CD9: variants seen among roughly 807,000 people sequenced by gnomAD.
The protein encoded by CD9 is CD9 molecule, also known as CD9 antigen.
CD9 carries 10 observed loss-of-function variants against 31.4 expected under a neutral mutation model. The observed-to-expected ratio is 0.32, with a 90% CI of 0.20 to 0.54. The LOEUF (loss-of-function observed/expected upper bound fraction) is 0.54. CD9 is among the 20% of genes least tolerant of loss of function. The pLI, the probability that CD9 is intolerant of heterozygous loss-of-function variation, is 0.94. For synonymous variants in CD9, 113 were observed against 114.1 expected, an observed-to-expected ratio of 0.99 and a Z score of 0.06; for missense variants, 259 against 300.1, an observed-to-expected ratio of 0.86 and a Z score of 1.01.
intron 1 of CD9, among the ~76,000 whole-genome samples, chr12:6,223,284 G>T (rs1296421979): frequency 2.7e-5 from 4 of 150,358 alleles, no homozygotes; most frequent in Non-Finnish European, 5.9e-5. Flanking sequence ...TTTTTTGAGA[G>T]GGAGTCTCGC....
intron 1 of CD9, among the ~76,000 whole-genome samples, chr12:6,214,330 T>C (rs1485209812): frequency 3.4e-5 from 5 of 147,494 alleles, no homozygotes; most frequent in Non-Finnish European, 6.0e-5. Flanking sequence ...AACCTGCAAC[T>C]TGACCATTAG....
In CD9 at chr12:6,210,330, C is replaced by T. The variant is rs535568264; in HGVS notation, c.66+9765C>T. Among the ~76,000 whole-genome samples the T allele has an allele frequency of 1.1e-3, 164 of 152,348 alleles. 1 individual carries two copies. The highest frequency in any genetic ancestry group is 3.1e-3 in the African/African-American group (129 of 41,576). On this transcript the variant is annotated intron_variant, in intron 1 of 7. Coordinates refer to ENST00000009180, the MANE Select transcript of CD9 (RefSeq NM_001769.4). ...GCAGCCAAGGGGAAAGGAGGATGTG[C>T]GAGTTGCCCTGGAGAGTCCCTTCCC...
In CD9 at chr12:6,235,487, T is replaced by C; in HGVS notation, c.459T>C (p.Cys153=). 4 of 1,614,064 alleles carry C rather than the reference T, an allele frequency of 2.5e-6. No individual in the cohort carries two copies. Among genetic ancestry groups the C allele is most frequent in the Non-Finnish European group, 3.4e-6 (4 of 1,179,892 alleles). The change falls in exon 6 of 8, where the codon TGT becomes TGC. Residue 153 remains cysteine (C), a synonymous_variant. Transcript: ENST00000009180. The part of the protein sequence containing the change: ...LKAIHYALNC[C]GLAGGVEQFI... ...CCTTCTCGCTGTAGTTGAACTGCTG[T>C]GGTTTGGCTGGGGGCGTGGAACAGT... is the stretch of plus-strand genomic sequence containing the variant.
At chr12:6,217,370 GA>G (rs1299635250) in intron 1 of CD9, among the ~76,000 whole-genome samples, 138 of 147,770 alleles carry the variant, frequency 9.3e-4, no homozygotes, top group African/African-American at 2.7e-3. Flanking sequence ...AAAAAAATAA[GA>G]AAAAAAAAAA....
Position 6,201,555 on chromosome 12 carries a change from C to T in CD9, c.66+990C>T, listed in dbSNP as rs114580942. Among the ~76,000 whole-genome samples, 1,111 of 152,354 alleles carry T rather than the reference C, an allele frequency of 7.3e-3. 11 individuals are homozygous for T. Among genetic ancestry groups the T allele is most frequent in the African/African-American group, 0.024 (1,018 of 41,582 alleles). ...ACACCTGCTGCAGGCCACTCAGCCTCTACAAATGGGAAGGCTGAGAGGCGA... is the reference window on the plus strand; with the variant it reads ...ACACCTGCTGCAGGCCACTCAGCCTTTACAAATGGGAAGGCTGAGAGGCGA... On this transcript the variant is annotated intron_variant, in intron 1 of 7. Transcript: ENST00000009180.
chr12:6,216,309 G>T (rs1422221543), intron 1 of CD9, among the ~76,000 whole-genome samples: 1 of 152,250 alleles, frequency 6.6e-6, no homozygotes, highest in Non-Finnish European at 1.5e-5. Flanking sequence ...AACTGCTGGT[G>T]TGGGAAACTT....
intron 1 of CD9, chr12:6,205,875 C>T (rs1946125101): frequency 6.6e-6 from 1 of 152,252 alleles, no homozygotes; most frequent in African/African-American, 2.4e-5. Context: ...ATGTTCTAGA[C>T]AGACCTGTGT....
chr12:6,215,066 G>C (rs1946231160), intron 1 of CD9, among the ~76,000 whole-genome samples: 2 of 152,084 alleles, frequency 1.3e-5, no homozygotes, highest in African/African-American at 2.4e-5. Flanking sequence ...GGTGACCCCA[G>C]GTTCCCTCCC....
intron 1 of CD9, among the ~76,000 whole-genome samples, chr12:6,221,353 C>T (rs1297841621): frequency 6.6e-6 from 1 of 152,174 alleles, no homozygotes; most frequent in South Asian, 2.1e-4. Context: ...CCCGCATCCC[C>T]GCCCGACCAG....
rs1316917599 is a variant in CD9 at position 6,225,203 on chromosome 12, A to G, written c.67-223A>G. 17 of 555,510 alleles carry G rather than the reference A, an allele frequency of 3.1e-5. No individual in the cohort carries two copies. The South Asian group carries it at 3.3e-4, about 11-fold the overall frequency. 34.4% of individuals were successfully genotyped at this position (555,510 alleles called of 1,614,324 possible). A position where few individuals can be genotyped will look rare whatever the true frequency, so the allele number is the denominator to read the frequency against. ...TGCCTATAAAATACCCCTTCAGCCA[A>G]TGGGCGGCAGGTAGGTCACTGTTTA... is the stretch of plus-strand genomic sequence containing the variant. On this transcript the variant is annotated intron_variant, in intron 1 of 7. Coordinates refer to ENST00000009180, the MANE Select transcript of CD9 (RefSeq NM_001769.4).
chr12:6,210,557 G>A (rs1946183905), intron 1 of CD9, among the ~76,000 whole-genome samples: 1 of 152,226 alleles, frequency 6.6e-6, no homozygotes. Context: ...CTGCCCTGCT[G>A]TCAGGGAGGA....
chr12:6,211,127 T>C (rs1049161394), intron 1 of CD9, among the ~76,000 whole-genome samples: 1 of 152,188 alleles, frequency 6.6e-6, no homozygotes, highest in African/African-American at 2.4e-5. Flanking sequence ...TGAGCCACCG[T>C]GCCCGGCCCG....
chr12:6,233,391 C>T lies in CD9; in HGVS notation c.274-21C>T, dbSNP rs147301170. 312 of 1,591,714 alleles carry T rather than the reference C, an allele frequency of 2.0e-4. 5 individuals carry two copies. The East Asian group carries it at 6.3e-3, about 32-fold the overall frequency. On this transcript the variant is annotated intron_variant, in intron 3 of 7. Transcript: ENST00000009180. ...TGGTTGGCTGGGACTGTTCTCACCCCGTCCCCTCGTTGCCTTCCAGTTCTT... is the reference window on the plus strand; with the variant it reads ...TGGTTGGCTGGGACTGTTCTCACCCTGTCCCCTCGTTGCCTTCCAGTTCTT...
chr12:6,205,759 C>G (rs1946124005), intron 1 of CD9, among the ~76,000 whole-genome samples: 1 of 152,144 alleles, frequency 6.6e-6, no homozygotes, highest in Non-Finnish European at 1.5e-5. Context: ...GAACACAAAC[C>G]TTGATGGTTC....
chr12:6,222,775 A>G (rs1183002565), intron 1 of CD9, among the ~76,000 whole-genome samples: 1 of 152,228 alleles, frequency 6.6e-6, no homozygotes, highest in Non-Finnish European at 1.5e-5. Flanking sequence ...CCCTGTCATT[A>G]TCTGAGCGTG....
chr12:6,209,886 C>T (rs915208431), intron 1 of CD9, among the ~76,000 whole-genome samples: 1 of 151,974 alleles, frequency 6.6e-6, no homozygotes, highest in East Asian at 1.9e-4. Flanking sequence ...GGTTTTGCCA[C>T]GTTGACCAGG....
At chr12:6,220,275 C>A (rs184651849) in intron 1 of CD9, among the ~76,000 whole-genome samples, 1 of 152,162 alleles carries the variant, frequency 6.6e-6, no homozygotes, top group African/African-American at 2.4e-5. Flanking sequence ...GCACAATGCA[C>A]GAGGCTGAAC....
intron 7 of CD9, among the ~76,000 whole-genome samples, chr12:6,237,314 T>C (rs11568273): frequency 0.017 from 2,543 of 152,134 alleles, 63 homozygotes; most frequent in African/African-American, 0.057. Flanking sequence ...TATTAACATT[T>C]TGGGAGGCCG....
At chr12:6,236,619 G>A in intron 7 of CD9, 5 of 424,600 alleles carry the variant, frequency 1.2e-5, no homozygotes, top group Non-Finnish European at 2.1e-5. Context: ...TAAGAAAGTC[G>A]TTCACTAGAG....
Sources: gnomAD v4.1 joint callset for allele counts (sites outside exome capture counted in the v4.1 genomes callset) on GRCh38, gnomAD v4.1.1 for gene constraint, MANE v1.5 for transcripts, NCBI Gene and HGNC (gene_info 2026-07-23, HGNC 2026-07-21) for gene names.